Variants in FSTL5 observed in about 807,000 individuals in gnomAD.
FSTL5 encodes the protein follistatin-related protein 5.
In FSTL5, 62 loss-of-function variants were observed where a neutral mutation model predicts 89.1. The ratio of observed to expected loss-of-function variants is 0.70; its 90% CI spans 0.57 to 0.86. FSTL5 has a LOEUF of 0.86. Ranked by LOEUF, FSTL5 falls within the 40% of genes least tolerant of loss-of-function variation. The pLI is 0.00. For synonymous variants in FSTL5, 383 were observed against 346.2 expected (o/e 1.11, Z -1.18); for missense variants, 1,057 against 1,001.6 (o/e 1.06, Z -0.75).
intron 1 of FSTL5, among the ~76,000 whole-genome samples, chr4:162,112,367 C>T (rs754771387): frequency 9.2e-5 from 14 of 152,130 alleles, no homozygotes; most frequent in Non-Finnish European, 2.1e-4. Context: ...CTCAGCCTCC[C>T]CAGTAGGTAG....
intron 12 of FSTL5, chr4:161,495,471 A>G (rs560651372): frequency 6.6e-6 from 1 of 152,180 alleles, no homozygotes; most frequent in Non-Finnish European, 1.5e-5. Context: ...AGATGAAATC[A>G]TGTGTACAAC....
chr4:161,648,903 C>T (rs1196732060), intron 7 of FSTL5, among the ~76,000 whole-genome samples: 3 of 152,228 alleles, frequency 2.0e-5, no homozygotes, highest in Admixed American at 6.5e-5. Context: ...CATAACAGTA[C>T]ATTTTATGGA....
At chr4:161,666,951 T>G (rs1246104714) in intron 6 of FSTL5, among the ~76,000 whole-genome samples, 1 of 152,074 alleles carries the variant, frequency 6.6e-6, no homozygotes, top group Non-Finnish European at 1.5e-5. Context: ...AAAGTCTTTC[T>G]GTAAAACAAC....
At position 161,407,024 on chromosome 4, in the gene FSTL5, G is replaced by A. The variant is rs141995210; in HGVS notation, c.1842-20575C>T. Among the ~76,000 whole-genome samples the A allele has an allele frequency of 1.9e-3, 292 of 152,084 alleles. 1 individual carries two copies. Among genetic ancestry groups the A allele is most frequent in the African/African-American group, 6.8e-3 (283 of 41,478 alleles). On this transcript the variant is annotated intron_variant, in intron 15 of 15. Coordinates refer to ENST00000306100, the MANE Select transcript of FSTL5 (RefSeq NM_020116.5). ...CTCCTCTAGTACTGTCTTTTTTGTA[G>A]TAAATTCCTGGAATTGGGGTAAAGG...
At chr4:161,814,811 G>T (rs1367888728) in intron 4 of FSTL5, among the ~76,000 whole-genome samples, 1 of 152,006 alleles carries the variant, frequency 6.6e-6, no homozygotes, top group Non-Finnish European at 1.5e-5. Flanking sequence ...TTATAAGATA[G>T]GCCTTTATTA....
At chr4:161,769,791 A>G (rs551791691) in intron 5 of FSTL5, among the ~76,000 whole-genome samples, 5 of 152,116 alleles carry the variant, frequency 3.3e-5, no homozygotes, top group East Asian at 1.9e-4. Flanking sequence ...TTTTCAAAAT[A>G]GTTCTGGAAG....
chr4:161,760,130 G>A (rs1484226124), intron 5 of FSTL5, among the ~76,000 whole-genome samples: 1 of 152,192 alleles, frequency 6.6e-6, no homozygotes, highest in Non-Finnish European at 1.5e-5. Context: ...TAGAATTAAT[G>A]CACCGATTGA....
chr4:162,067,067 G>A (rs938789881), intron 2 of FSTL5, among the ~76,000 whole-genome samples: 2 of 151,998 alleles, frequency 1.3e-5, no homozygotes, highest in African/African-American at 2.4e-5. Flanking sequence ...ACAAGATCTT[G>A]TTCTGTCACC....
chr4:161,650,617 T>C (rs1736304628), intron 7 of FSTL5, among the ~76,000 whole-genome samples: 1 of 152,164 alleles, frequency 6.6e-6, no homozygotes, highest in Admixed American at 6.6e-5. Flanking sequence ...ATAAATGACA[T>C]ACATTTCATT....
intron 4 of FSTL5, among the ~76,000 whole-genome samples, chr4:161,860,367 T>G (rs1386372199): frequency 6.6e-6 from 1 of 152,180 alleles, no homozygotes; most frequent in Non-Finnish European, 1.5e-5. Flanking sequence ...GGTCAGAGAT[T>G]AAGTTGAACT....
At chr4:161,573,978 C>G (rs556935524) in intron 8 of FSTL5, among the ~76,000 whole-genome samples, 1 of 152,200 alleles carries the variant, frequency 6.6e-6, no homozygotes, top group Non-Finnish European at 1.5e-5. Flanking sequence ...CGGGATAATC[C>G]ACGTTCATGC....
chr4:161,747,677 G>A (rs1052480256), intron 6 of FSTL5, among the ~76,000 whole-genome samples: 1 of 152,154 alleles, frequency 6.6e-6, no homozygotes, highest in East Asian at 1.9e-4. Context: ...CAAGTTTACT[G>A]TAGTTTCCTT....
intron 4 of FSTL5, among the ~76,000 whole-genome samples, chr4:161,833,091 C>G (rs1730902765): frequency 6.6e-6 from 1 of 150,718 alleles, no homozygotes; most frequent in Non-Finnish European, 1.5e-5. Flanking sequence ...TCTTTGTTCT[C>G]GTTGGTTTCA....
At chr4:161,483,711 A>T (rs6851311) in intron 12 of FSTL5, among the ~76,000 whole-genome samples, 25,034 of 152,120 alleles carry the variant, frequency 0.16, 2,491 homozygotes, top group East Asian at 0.38. Context: ...TAGTAGAGGA[A>T]TGTTTTTAAG....
At chr4:161,431,662 C>T (rs1288763670) in intron 15 of FSTL5, among the ~76,000 whole-genome samples, 1 of 151,978 alleles carries the variant, frequency 6.6e-6, no homozygotes, top group Non-Finnish European at 1.5e-5. Context: ...AATCAAAAGA[C>T]ATAGAATGGT....
intron 2 of FSTL5, among the ~76,000 whole-genome samples, chr4:162,040,698 TCAC>T (rs1340942454): frequency 6.6e-6 from 1 of 152,110 alleles, no homozygotes; most frequent in Non-Finnish European, 1.5e-5. Context: ...CAAAATCTTA[TCAC>T]CTTTTATTTA....
intron 3 of FSTL5, among the ~76,000 whole-genome samples, chr4:162,031,678 C>T (rs906834549): frequency 1.3e-5 from 2 of 152,140 alleles, no homozygotes; most frequent in Admixed American, 6.6e-5. Context: ...TGGCTCAAGC[C>T]TGTAATCCCA....
At chr4:161,404,715 A>C (rs752008455) in intron 15 of FSTL5, among the ~76,000 whole-genome samples, 70 of 152,190 alleles carry the variant, frequency 4.6e-4, no homozygotes, top group Non-Finnish European at 7.9e-4. Flanking sequence ...TTAAAAAAAA[A>C]AACAACAATG....
chr4:161,732,133 A>G (rs79353093), intron 6 of FSTL5, among the ~76,000 whole-genome samples: 1,841 of 152,206 alleles, frequency 0.012, 43 homozygotes, highest in South Asian at 0.071. Context: ...TACACCCTTC[A>G]GCAGTGCATA....
Sources: allele counts gnomAD v4.1 joint callset (sites outside exome capture counted in the v4.1 genomes callset), GRCh38; gene constraint gnomAD v4.1.1; transcripts MANE v1.5; gene names NCBI Gene and HGNC (gene_info 2026-07-23, HGNC 2026-07-21).